IGSF10: variants seen among roughly 807,000 people sequenced by gnomAD.
IGSF10 encodes calvaria mechanical force protein 608.
Under a neutral mutation model 128.2 loss-of-function variants are expected in IGSF10, and 126 were observed. That is an observed-to-expected ratio of 0.98 (90% CI 0.85 to 1.14). IGSF10 has a LOEUF of 1.14. IGSF10 is among the 50% of genes most tolerant of loss of function. The pLI, the probability that IGSF10 is intolerant of heterozygous loss-of-function variation, is 0.00. For synonymous variants in IGSF10, 1,185 were observed against 1,146.2 expected (o/e 1.03, Z -0.68); for missense variants, 3,295 against 3,149.8 (o/e 1.05, Z -1.10).
At chr3:151,519,805 A>G in the IGSF10 span, among the ~76,000 whole-genome samples, 1 of 151,848 alleles carries the variant, frequency 6.6e-6, no homozygotes, top group Non-Finnish European at 1.5e-5. Flanking sequence ...GTAAAGCCTT[A>G]GACATACTGG....
At chr3:151,583,535 T>G in the IGSF10 span, among the ~76,000 whole-genome samples, 1 of 152,118 alleles carries the variant, frequency 6.6e-6, no homozygotes, top group African/African-American at 2.4e-5. Flanking sequence ...ATGAGAACAC[T>G]TGGGCACAGG....
At chr3:151,531,933 G>T in the IGSF10 span, among the ~76,000 whole-genome samples, 1 of 151,828 alleles carries the variant, frequency 6.6e-6, no homozygotes, top group East Asian at 1.9e-4. Context: ...TAGACCGCTA[G>T]CAAGACTAAT....
chr3:151,434,901 CTTT>C (rs1375389308), downstream of IGSF10: 1 of 151,952 alleles, frequency 6.6e-6, no homozygotes, highest in Non-Finnish European at 1.5e-5. Context: ...TATCTTTTTT[CTTT>C]TTTTAGGTGA....
the IGSF10 span, among the ~76,000 whole-genome samples, chr3:151,579,857 G>A: frequency 2.1e-4 from 22 of 105,858 alleles, no homozygotes; most frequent in East Asian, 7.6e-4. Flanking sequence ...GAAGGGAGGA[G>A]GGAGGAAGGG....
the IGSF10 span, among the ~76,000 whole-genome samples, chr3:151,493,896 T>C: frequency 1.3e-5 from 2 of 152,030 alleles, no homozygotes; most frequent in Non-Finnish European, 2.9e-5. Flanking sequence ...CCACAGAAAC[T>C]GAGATGACAA....
At chr3:151,480,884 C>T in the IGSF10 span, among the ~76,000 whole-genome samples, 1 of 152,116 alleles carries the variant, frequency 6.6e-6, no homozygotes. Flanking sequence ...ACCCCATTCC[C>T]CCAGCAACCT....
At chr3:151,503,499 TTA>T in the IGSF10 span, among the ~76,000 whole-genome samples, 2 of 152,220 alleles carry the variant, frequency 1.3e-5, no homozygotes, top group South Asian at 4.1e-4. Context: ...ATAGATAGCC[TTA>T]ACAGATTAGA....
the IGSF10 span, among the ~76,000 whole-genome samples, chr3:151,527,296 A>T: frequency 6.6e-6 from 1 of 152,194 alleles, no homozygotes; most frequent in East Asian, 1.9e-4. Context: ...TGGCTCATTT[A>T]TGCTTCATGC....
the IGSF10 span, among the ~76,000 whole-genome samples, chr3:151,479,575 G>A: frequency 6.6e-6 from 1 of 152,048 alleles, no homozygotes; most frequent in Non-Finnish European, 1.5e-5. Flanking sequence ...CTAATCTCAT[G>A]GACACTTAGA....
At chr3:151,559,025 A>C in the IGSF10 span, among the ~76,000 whole-genome samples, 1 of 152,304 alleles carries the variant, frequency 6.6e-6, no homozygotes, top group East Asian at 1.9e-4. Flanking sequence ...ACAGTAACCC[A>C]ACAAAAAGAA....
At chr3:151,521,003 C>T in the IGSF10 span, among the ~76,000 whole-genome samples, 1 of 151,474 alleles carries the variant, frequency 6.6e-6, no homozygotes, top group Non-Finnish European at 1.5e-5. Flanking sequence ...CATAATGACA[C>T]CCACAGGCTC....
the IGSF10 span, among the ~76,000 whole-genome samples, chr3:151,610,008 A>T: frequency 6.6e-6 from 1 of 152,190 alleles, no homozygotes; most frequent in African/African-American, 2.4e-5. Context: ...AAATGACTTT[A>T]AAAAATCTTT....
At chr3:151,505,892 T>C in the IGSF10 span, among the ~76,000 whole-genome samples, 2 of 152,156 alleles carry the variant, frequency 1.3e-5, no homozygotes, top group Non-Finnish European at 2.9e-5. Context: ...TAAGCTAACC[T>C]AGATAAGGTG....
At chr3:151,610,316 G>C in the IGSF10 span, among the ~76,000 whole-genome samples, 20,683 of 152,192 alleles carry the variant, frequency 0.14, 1,747 homozygotes, top group African/African-American at 0.25. Flanking sequence ...TACAGAGCAT[G>C]ATGCCATCTT....
At chr3:151,507,516 A>G in the IGSF10 span, among the ~76,000 whole-genome samples, 2 of 152,180 alleles carry the variant, frequency 1.3e-5, no homozygotes, top group Non-Finnish European at 2.9e-5. Context: ...ATTTATAAAG[A>G]AAGGAGATTT....
At chr3:151,574,136 G>C in the IGSF10 span, among the ~76,000 whole-genome samples, 1 of 152,100 alleles carries the variant, frequency 6.6e-6, no homozygotes, top group African/African-American at 2.4e-5. Context: ...CTTTCTCTCT[G>C]GCTGCCCTTA....
At position 151,449,243 on chromosome 3, in the gene IGSF10, A is replaced by G; in HGVS notation, c.738T>C (p.Asp246=). ...ACTGCTGAGCACTAGAGGGACTTCT[A>G]TCTTTTTTGCATTTTATTACATCTG... ...EKPDVIKCKK[D]RSPSSAQQCP... The change falls in exon 6 of 8, where the codon GAT becomes GAC. Residue 246 remains aspartate (D), a synonymous_variant. Transcript: ENST00000282466. The G allele has an allele frequency of 6.3e-7, 1 of 1,579,568 alleles. No individual in the cohort carries two copies. The highest frequency in any genetic ancestry group is 1.2e-5 in the South Asian group (1 of 85,870).
chr3:151,475,303 T>C, the IGSF10 span, among the ~76,000 whole-genome samples: 1 of 152,204 alleles, frequency 6.6e-6, no homozygotes, highest in African/African-American at 2.4e-5. Context: ...TCTTTTCGAT[T>C]GTGAGAGAGA....
At chr3:151,591,655 C>T in the IGSF10 span, among the ~76,000 whole-genome samples, 1 of 151,782 alleles carries the variant, frequency 6.6e-6, no homozygotes, top group East Asian at 1.9e-4. Flanking sequence ...TGCAAAGTTC[C>T]TTCTAGAGAA....
Sources: gnomAD v4.1 joint callset for allele counts (sites outside exome capture counted in the v4.1 genomes callset) on GRCh38, gnomAD v4.1.1 for gene constraint, MANE v1.5 for transcripts, NCBI Gene and HGNC (gene_info 2026-07-23, HGNC 2026-07-21) for gene names.